Variants in ASF1B observed in about 807,000 individuals in gnomAD.
The protein encoded by ASF1B is anti-silencing function 1B histone chaperone.
Under a neutral mutation model 16.6 loss-of-function variants are expected in ASF1B, and 10 were observed. The ratio of observed to expected loss-of-function variants is 0.60; its 90% confidence interval spans 0.37 to 1.02. The LOEUF (loss-of-function observed/expected upper bound fraction) is 1.02, where lower values mean the gene tolerates loss of function less well. Among genes scored for constraint, ASF1B ranks in the 50% least tolerant of loss-of-function variants. The pLI, the probability that ASF1B is intolerant of heterozygous loss-of-function variation, is 0.01. For missense variants in ASF1B, 240 were observed against 266.0 expected, an observed-to-expected ratio of 0.90 and a Z score of 0.68; for synonymous variants, 101 against 106.2, an observed-to-expected ratio of 0.95 and a Z score of 0.30.
At chr19:14,132,753 G>A (rs144474510) in intron 1 of ASF1B, among the ~76,000 whole-genome samples, 1 of 152,286 alleles carries the variant, frequency 6.6e-6, no homozygotes, top group East Asian at 1.9e-4. Flanking sequence ...GAGAGGTGGA[G>A]ATTGCAGTGA....
At chr19:14,128,151 T>G (rs910341964) in intron 1 of ASF1B, among the ~76,000 whole-genome samples, 6 of 152,198 alleles carry the variant, frequency 3.9e-5, no homozygotes, top group African/African-American at 1.4e-4. Flanking sequence ...TATTTTTGGC[T>G]CTTTAGAAAT....
intron 1 of ASF1B, among the ~76,000 whole-genome samples, chr19:14,135,211 G>A (rs1248657226): frequency 2.2e-5 from 3 of 135,094 alleles, no homozygotes; most frequent in Admixed American, 7.7e-5. Flanking sequence ...GCAACAGAGT[G>A]AGACTGTCTC....
intron 1 of ASF1B, among the ~76,000 whole-genome samples, chr19:14,129,263 G>T (rs954656569): frequency 2.6e-5 from 4 of 151,728 alleles, no homozygotes; most frequent in Admixed American, 6.6e-5. Flanking sequence ...GGAAAAAAAA[G>T]AAAAAGAAAA....
At chr19:14,122,421 A>G (rs971155842) in intron 2 of ASF1B, among the ~76,000 whole-genome samples, 1 of 151,466 alleles carries the variant, frequency 6.6e-6, no homozygotes. Context: ...GCTGGAGTGC[A>G]ATGGCGCCAT....
At chr19:14,133,834 C>T (rs1299224158) in intron 1 of ASF1B, among the ~76,000 whole-genome samples, 33 of 121,222 alleles carry the variant, frequency 2.7e-4, no homozygotes, top group African/African-American at 2.6e-4. Flanking sequence ...GACGGAGTCT[C>T]GCTCTGTCGC....
intron 1 of ASF1B, among the ~76,000 whole-genome samples, chr19:14,128,135 G>C (rs1174368688): frequency 6.6e-6 from 1 of 152,188 alleles, no homozygotes; most frequent in Non-Finnish European, 1.5e-5. Flanking sequence ...CAAGAGGCTT[G>C]AAACTTATTT....
At position 14,121,486 on chromosome 19, in the gene ASF1B, A is replaced by G. The variant is rs1466116935; in HGVS notation, c.402+46T>C. The G allele has an allele frequency of 1.9e-6, 3 of 1,584,294 alleles. No individual in the cohort carries two copies. The African/African-American group carries it at 4.0e-5, about 21-fold the overall frequency. On this transcript the variant is annotated intron_variant, in intron 3 of 3. Transcript: ENST00000263382. ...TTGAATGGCTGAACTCCCCCCAAGTATAAAGAACGGCCTTGTGGGAAGCAG... is the reference window on the plus strand; with the variant it reads ...TTGAATGGCTGAACTCCCCCCAAGTGTAAAGAACGGCCTTGTGGGAAGCAG...
At chr19:14,126,612 C>G (rs144101811) in intron 1 of ASF1B, among the ~76,000 whole-genome samples, 1 of 152,170 alleles carries the variant, frequency 6.6e-6, no homozygotes, top group Non-Finnish European at 1.5e-5. Context: ...GCTGGAATTA[C>G]AGGCACCTGC....
At position 14,136,514 on chromosome 19, in the gene ASF1B, G is replaced by A. The variant is rs1274823381; in HGVS notation, c.-58C>T. On this transcript the variant is annotated 5_prime_UTR_variant, in exon 1 of 4. Transcript: ENST00000263382. ...GGGCTGTGGCTGTGGCGGAGGCCGC[G>A]CCTGGGTCCGGTGGGGTCAGTGGGG... 7 of 1,530,022 alleles carry A rather than the reference G, an allele frequency of 4.6e-6. No individual in the cohort carries two copies. The highest frequency in any genetic ancestry group is 4.1e-5 in the African/African-American group (3 of 73,270). 94.8% of individuals were successfully genotyped at this position (1,530,022 alleles called of 1,614,324 possible). A position where few individuals can be genotyped will look rare whatever the true frequency, so the allele number is the denominator to read the frequency against.
Position 14,136,388 on chromosome 19 carries a change from C to G in ASF1B, c.69G>C (p.Arg23=), listed in dbSNP as rs756363838. 2.6e-5 allele frequency: 42 copies of G among 1,613,510 alleles called. No homozygotes were observed. In the Admixed American group the frequency reaches 6.3e-4, roughly 24 times the overall value. Residue 23 remains arginine, a synonymous_variant, in exon 1 of 4, where the codon CGG becomes CGC. Coordinates refer to ENST00000263382, the MANE Select transcript of ASF1B (RefSeq NM_018154.3). ...CACTGCACTCGAAGCTGATCTCGAA[C>G]CGGAAGGGGCTGTGGAAAGGGCTCG... is the stretch of plus-strand genomic sequence containing the variant. The part of the protein sequence containing the change: ...ENPSPFHSPF[R]FEISFECSEA...
chr19:14,126,858 C>T (rs1005845451), intron 1 of ASF1B, among the ~76,000 whole-genome samples: 2 of 152,186 alleles, frequency 1.3e-5, no homozygotes, highest in African/African-American at 4.8e-5. Flanking sequence ...CTGCCCGCCT[C>T]AGCCTTCCAA....
chr19:14,133,121 AAAATAAAT>A lies in ASF1B; in HGVS notation c.109+3219_109+3226del, dbSNP rs150107917. Among the ~76,000 whole-genome samples the A allele has an allele frequency of 1.8e-3, 275 of 149,286 alleles. 1 individual carries two copies. Among genetic ancestry groups the A allele is most frequent in the Middle Eastern group, 6.8e-3 (2 of 292 alleles). Reference sequence around the variant, plus strand: ...GGTGACACAGCGAGACTCCATCTCAAAAATAAATAAATAAATAAATAAATAAATAAATA... The same window carrying A: ...GGTGACACAGCGAGACTCCATCTCAAAAATAAATAAATAAATAAATAAATA... On this transcript the variant is annotated intron_variant, in intron 1 of 3. Transcript: ENST00000263382.
intron 2 of ASF1B, 133 bp downstream of exon 2, chr19:14,125,989 C>G (rs1239733760): frequency 6.3e-6 from 4 of 639,242 alleles, no homozygotes; most frequent in Non-Finnish European, 1.0e-5. Flanking sequence ...CCTGGAGTAG[C>G]TGGGTCTATA....
intron 1 of ASF1B, among the ~76,000 whole-genome samples, chr19:14,128,957 G>C (rs763799782): frequency 1.9e-4 from 29 of 152,162 alleles, no homozygotes; most frequent in Non-Finnish European, 2.6e-4. Flanking sequence ...AGACAAAAAA[G>C]ACTAAAGTGT....
intron 1 of ASF1B, among the ~76,000 whole-genome samples, 170 bp downstream of exon 1, chr19:14,136,178 G>A (rs1388587442): frequency 6.6e-6 from 1 of 150,386 alleles, no homozygotes; most frequent in African/African-American, 2.5e-5. Flanking sequence ...CTGGTGGCGG[G>A]GGGTCTCCAC....
chr19:14,134,936 G>A (rs907991430), intron 1 of ASF1B, among the ~76,000 whole-genome samples: 1 of 150,096 alleles, frequency 6.7e-6, no homozygotes, highest in African/African-American at 2.5e-5. Flanking sequence ...AAAAAAAAAA[G>A]AAGAAGACGG....
chr19:14,129,271 A>C (rs1444556802), intron 1 of ASF1B, among the ~76,000 whole-genome samples: 1 of 151,974 alleles, frequency 6.6e-6, no homozygotes, highest in Non-Finnish European at 1.5e-5. Flanking sequence ...AAGAAAAAGA[A>C]AAAATGTACT....
Position 14,136,478 on chromosome 19 carries a change from A to AGCAGGG in ASF1B, c.-28_-23dup. On this transcript the variant is annotated 5_prime_UTR_variant, in exon 1 of 4. Coordinates refer to ENST00000263382, the MANE Select transcript of ASF1B (RefSeq NM_018154.3). ...CCATCGCCTCGCCTCGCCGCGCCGC[A>AGCAGGG]GCAGGGGCAGGGGCTGTGGCTGTGG... 4 of 1,608,410 alleles carry AGCAGGG rather than the reference A, an allele frequency of 2.5e-6. No individual in the cohort carries two copies. Among genetic ancestry groups the AGCAGGG allele is most frequent in the East Asian group, 2.2e-5 (1 of 44,744 alleles).
intron 2 of ASF1B, among the ~76,000 whole-genome samples, chr19:14,122,239 G>A (rs149801475): frequency 1.8e-3 from 268 of 149,786 alleles, no homozygotes; most frequent in Non-Finnish European, 3.2e-3. Flanking sequence ...CCTTTTTTTT[G>A]TATTTTTAGT....
Sources: gnomAD v4.1 joint callset for allele counts (sites outside exome capture counted in the v4.1 genomes callset) on GRCh38, gnomAD v4.1.1 for gene constraint, MANE v1.5 for transcripts, NCBI Gene and HGNC (gene_info 2026-07-23, HGNC 2026-07-21) for gene names.